The following AGBL1 variants were observed in gnomAD, a reference collection of about 807,000 sequenced individuals.
AGBL1 encodes the protein AGBL carboxypeptidase 1, also known as cytosolic carboxypeptidase 4.
AGBL1 carries 130 observed loss-of-function variants against 118.9 expected under a neutral mutation model. That is an observed-to-expected ratio of 1.09 (90% CI 0.95 to 1.26). The LOEUF (loss-of-function observed/expected upper bound fraction) is 1.26. AGBL1 is among the 50% of genes most tolerant of loss of function. The pLI is 0.00. For missense variants in AGBL1, 1,584 were observed against 1,298.1 expected (o/e 1.22, Z -3.38); for synonymous variants, 555 against 478.9 (o/e 1.16, Z -2.08).
At chr15:86,644,708 A>G (rs1009860771) in intron 21 of AGBL1, among the ~76,000 whole-genome samples, 6 of 152,064 alleles carry the variant, frequency 3.9e-5, no homozygotes, top group Admixed American at 3.3e-4. Context: ...GGGCTTGTCT[A>G]CATTAAAGGA....
intron 21 of AGBL1, among the ~76,000 whole-genome samples, chr15:86,657,009 A>G (rs775146480): frequency 2.5e-4 from 38 of 152,192 alleles, no homozygotes; most frequent in Admixed American, 5.2e-4. Context: ...ATCTTGCCTC[A>G]GCCATGTTGG....
intron 22 of AGBL1, among the ~76,000 whole-genome samples, chr15:86,888,868 G>A (rs1312784432): frequency 6.6e-6 from 1 of 152,120 alleles, no homozygotes; most frequent in Non-Finnish European, 1.5e-5. Context: ...GAGCACTTTT[G>A]GAAATGAGCA....
chr15:86,706,575 G>C (rs1426795047), intron 22 of AGBL1, among the ~76,000 whole-genome samples: 1 of 152,044 alleles, frequency 6.6e-6, no homozygotes, highest in Non-Finnish European at 1.5e-5. Flanking sequence ...CAACATGCTA[G>C]TAATCACAAT....
At chr15:86,366,447 C>G (rs2080889096) in intron 17 of AGBL1, among the ~76,000 whole-genome samples, 1 of 152,122 alleles carries the variant, frequency 6.6e-6, no homozygotes, top group Non-Finnish European at 1.5e-5. Context: ...GTTGAGAAAA[C>G]TGAGGCAAAG....
intron 22 of AGBL1, among the ~76,000 whole-genome samples, chr15:86,850,555 C>G (rs922743176): frequency 6.6e-6 from 1 of 152,220 alleles, no homozygotes; most frequent in Non-Finnish European, 1.5e-5. Flanking sequence ...ATAATTCTTT[C>G]TGCATCAAAA....
Position 86,350,243 on chromosome 15 carries a change from T to G in AGBL1, c.2375-47123T>G, listed in dbSNP as rs113643380. Among the ~76,000 whole-genome samples, 1,382 of 152,318 alleles carry G rather than the reference T, an allele frequency of 9.1e-3. 27 individuals are homozygous for G. Among genetic ancestry groups the G allele is most frequent in the African/African-American group, 0.032 (1,316 of 41,560 alleles). ...ATGAGGTGGCAATTGCTATTCTCAA[T>G]TTGGAAATATGAGGGAGGTGAAACT... is the stretch of plus-strand genomic sequence containing the variant. On this transcript the variant is annotated intron_variant, in intron 17 of 22. Coordinates refer to ENST00000614907, the MANE Select transcript of AGBL1 (RefSeq NM_001386094.1).
chr15:86,980,511 A>G (rs1471325272), intron 23 of AGBL1, among the ~76,000 whole-genome samples: 1 of 152,156 alleles, frequency 6.6e-6, no homozygotes, highest in Admixed American at 6.5e-5. Flanking sequence ...ATCCTCTGTC[A>G]ATGATACTTA....
chr15:86,839,523 G>C (rs901728056), intron 22 of AGBL1, among the ~76,000 whole-genome samples: 4 of 152,126 alleles, frequency 2.6e-5, no homozygotes, highest in African/African-American at 9.7e-5. Context: ...GGGTTTCTCA[G>C]CTTTCGCACT....
At chr15:86,841,095 G>A (rs1311818716) in intron 22 of AGBL1, among the ~76,000 whole-genome samples, 4 of 152,230 alleles carry the variant, frequency 2.6e-5, no homozygotes, top group Admixed American at 2.6e-4. Context: ...CACTTGGAGA[G>A]AATAGAGCAG....
intron 18 of AGBL1, among the ~76,000 whole-genome samples, chr15:86,479,738 T>C (rs1166946000): frequency 6.6e-6 from 1 of 152,184 alleles, no homozygotes; most frequent in Non-Finnish European, 1.5e-5. Flanking sequence ...TTACTGGGTA[T>C]ATACCCAAAA....
At chr15:86,457,406 C>T (rs997729489) in intron 18 of AGBL1, among the ~76,000 whole-genome samples, 4 of 152,134 alleles carry the variant, frequency 2.6e-5, no homozygotes, top group South Asian at 2.1e-4. Context: ...CCCAAGACCC[C>T]GCTGGGAGCC....
chr15:86,979,446 C>A (rs2081206852), intron 23 of AGBL1, among the ~76,000 whole-genome samples: 1 of 152,064 alleles, frequency 6.6e-6, no homozygotes, highest in African/African-American at 2.4e-5. Context: ...GGTAAGTGAG[C>A]CAATAATTAA....
intron 22 of AGBL1, among the ~76,000 whole-genome samples, chr15:86,790,033 GT>G (rs1306264089): frequency 6.6e-6 from 1 of 152,034 alleles, no homozygotes; most frequent in African/African-American, 2.4e-5. Flanking sequence ...TTATAAGGGT[GT>G]TTTTGTTGTT....
At chr15:86,333,666 C>T (rs2080312412) in intron 17 of AGBL1, among the ~76,000 whole-genome samples, 1 of 152,126 alleles carries the variant, frequency 6.6e-6, no homozygotes, top group African/African-American at 2.4e-5. Context: ...AAGATGGACT[C>T]CTTCCTAACT....
At chr15:87,022,715 G>A (rs762903659) in intron 24 of AGBL1, among the ~76,000 whole-genome samples, 3 of 151,962 alleles carry the variant, frequency 2.0e-5, no homozygotes, top group Non-Finnish European at 4.4e-5. Context: ...AAAGTACCAG[G>A]TAACCTATTA....
At chr15:86,486,254 C>T (rs747337685) in intron 18 of AGBL1, among the ~76,000 whole-genome samples, 43 of 152,168 alleles carry the variant, frequency 2.8e-4, no homozygotes, top group African/African-American at 8.7e-4. Context: ...ATTTAGCTCT[C>T]GATTTCTTGG....
At chr15:86,272,017 G>T (rs753245099) in intron 15 of AGBL1, among the ~76,000 whole-genome samples, 1 of 152,190 alleles carries the variant, frequency 6.6e-6, no homozygotes, top group Non-Finnish European at 1.5e-5. Flanking sequence ...AGTGTGTCAA[G>T]CCTTAGTTCT....
intron 21 of AGBL1, among the ~76,000 whole-genome samples, chr15:86,673,365 C>T (rs774456687): frequency 1.3e-5 from 2 of 152,196 alleles, no homozygotes; most frequent in Non-Finnish European, 2.9e-5. Flanking sequence ...ACCAGATTCA[C>T]ACTTAATTCT....
rs952209359 is a variant in AGBL1 at position 86,913,898 on chromosome 15, T to G, written c.*6604T>G. On this transcript the variant is annotated 3_prime_UTR_variant, in exon 23 of 23. Coordinates refer to ENST00000614907, the MANE Select transcript of AGBL1 (RefSeq NM_001386094.1). ...TCTGTCTAAAAGTAAATAAAAAGGC[T>G]GAAGCAAAGATGATTCTACATGGGG... is the stretch of plus-strand genomic sequence containing the variant. 4 of 152,154 alleles carry G rather than the reference T, an allele frequency of 2.6e-5. No individual in the cohort carries two copies. Among genetic ancestry groups the G allele is most frequent in the Non-Finnish European group, 4.4e-5 (3 of 68,034 alleles). The allele number at this position is 152,154 out of a possible 1,614,324, so 9.4% of individuals were successfully genotyped here. A position where few individuals can be genotyped will look rare whatever the true frequency, so the allele number is the denominator to read the frequency against.
Sources: allele counts gnomAD v4.1 joint callset (sites outside exome capture counted in the v4.1 genomes callset), GRCh38; gene constraint gnomAD v4.1.1; transcripts MANE v1.5; gene names NCBI Gene and HGNC (gene_info 2026-07-23, HGNC 2026-07-21).